Variants in LRP2 observed in about 807,000 individuals in gnomAD.
LRP2 encodes the protein low-density lipoprotein receptor-related protein 2.
In LRP2, 172 loss-of-function variants were observed where a neutral mutation model predicts 531.0. The observed-to-expected ratio is 0.32, with a 90% CI of 0.29 to 0.37. The LOEUF (loss-of-function observed/expected upper bound fraction) is 0.37. LRP2 is among the 10% of genes least tolerant of loss of function. The probability of loss-of-function intolerance (pLI) is 1.00; values close to 1 mark genes in which losing one functional copy is unlikely to be tolerated. For missense variants in LRP2, 5,167 were observed against 5,868.3 expected (o/e 0.88, Z 3.90); for synonymous variants, 1,992 against 2,027.6 (o/e 0.98, Z 0.47).
intron 1 of LRP2, among the ~76,000 whole-genome samples, chr2:169,334,254 C>T (rs1184258305): frequency 1.3e-5 from 2 of 152,138 alleles, no homozygotes; most frequent in Admixed American, 1.3e-4. Context: ...AGAAGTACGG[C>T]TTCAGTAATA....
At chr2:169,271,606 AACATGCACACACAC>A (rs1210246112) in intron 15 of LRP2, 3 of 328,168 alleles carry the variant, frequency 9.1e-6, no homozygotes, top group African/African-American at 5.3e-5. Flanking sequence ...AAACAGGCAA[AACATGCACACACAC>A]ACACACACAC....
rs529388965 is a variant in LRP2 at position 169,213,811 on chromosome 2, G to A, written c.5886C>T (p.His1962=). 57 of 1,613,560 alleles carry A rather than the reference G, an allele frequency of 3.5e-5. No homozygotes were observed. The highest frequency in any genetic ancestry group is 5.0e-5 in the Admixed American group (3 of 59,972). The change falls in exon 36 of 79, where the codon CAC becomes CAT. Residue 1962 remains histidine, a synonymous_variant. Coordinates refer to ENST00000649046, the MANE Select transcript of LRP2 (RefSeq NM_004525.3). ...AATCATGGACTGCAATTCCCCAGGG[G>A]TGGGAAAGCTGGTGTACCAGGATCA... The part of the protein sequence containing the change: ...DRMILVHQLS[H]PWGIAVHDSF...
chr2:169,213,611 A>C (rs747749603), intron 36 of LRP2, 46 bp downstream of exon 36: 4 of 1,431,376 alleles, frequency 2.8e-6, no homozygotes, highest in South Asian at 1.1e-5. Context: ...TTATGTGTGA[A>C]TATGCATTAT....
intron 44 of LRP2, among the ~76,000 whole-genome samples, chr2:169,199,523 C>T (rs1688120779): frequency 6.6e-6 from 1 of 152,126 alleles, no homozygotes; most frequent in African/African-American, 2.4e-5. Context: ...AAATGAAGGA[C>T]TTCTATAAAT....
chr2:169,313,261 C>T (rs1367690495), intron 3 of LRP2, among the ~76,000 whole-genome samples: 6 of 152,186 alleles, frequency 3.9e-5, no homozygotes, highest in Non-Finnish European at 5.9e-5. Context: ...TGAGGAGCTG[C>T]GTTCCTTTGA....
intron 1 of LRP2, among the ~76,000 whole-genome samples, chr2:169,332,984 TCTGCC>T (rs1180674690): frequency 2.0e-5 from 3 of 152,230 alleles, no homozygotes; most frequent in African/African-American, 7.2e-5. Flanking sequence ...ATGTATGGCT[TCTGCC>T]AACAGAGTAA....
At position 169,188,042 on chromosome 2, in the gene LRP2, G is replaced by A. The variant is rs761770923; in HGVS notation, c.9256C>T (p.Arg3086Cys). The A allele has an allele frequency of 1.5e-5, 25 of 1,613,828 alleles. No individual in the cohort carries two copies. The highest frequency in any genetic ancestry group is 4.5e-5 in the East Asian group (2 of 44,876). The change falls in exon 49 of 79, where the codon CGC (arginine) becomes TGC (cysteine). Residue 3086 changes from arginine (R) to cysteine (C), a missense_variant. Around this residue, in one of 6 missense-constraint regions of LRP2, gnomAD observed 1,129 missense variants for 1,362.7 expected, o/e 0.83. Transcript: ENST00000649046. ...PPHEFKCDNG[R>C]CIEMMKLCNH... ...CAGAGTTTCATCATCTCGATGCAGC[G>A]CCCATTGTCACACTTGAACTCGTGA...
chr2:169,352,574 A>G (rs1685877985), intron 1 of LRP2, among the ~76,000 whole-genome samples: 1 of 152,194 alleles, frequency 6.6e-6, no homozygotes. Flanking sequence ...TGAAACTTTT[A>G]AAAATACAGA....
chr2:169,164,417 A>G (rs1339039292), intron 62 of LRP2, among the ~76,000 whole-genome samples: 1 of 152,224 alleles, frequency 6.6e-6, no homozygotes, highest in African/African-American at 2.4e-5. Flanking sequence ...AAAATCATAA[A>G]GGAGTATTTA....
chr2:169,216,385 G>A lies in LRP2; in HGVS notation c.5694C>T (p.Ala1898=). ...CATCCATGTTAGCACTGGCGATCTT[G>A]GCAGGAACCCCACTGTCAGTTCCTT... ...SDQGTDSGVP[A]KIASANMDGT... is the part of the protein sequence containing the mutation. Residue 1898 remains alanine, a synonymous_variant, in exon 35 of 79, where the codon GCC becomes GCT. Coordinates refer to ENST00000649046, the MANE Select transcript of LRP2 (RefSeq NM_004525.3). The A allele has an allele frequency of 6.2e-7, 1 of 1,613,572 alleles. No homozygotes were observed. Among genetic ancestry groups the A allele is most frequent in the Non-Finnish European group, 8.5e-7 (1 of 1,179,668 alleles).
chr2:169,246,818 C>A lies in LRP2; in HGVS notation c.3077G>T (p.Cys1026Phe). ...DPTNEPPTEQCGLFSFPCKNG... is the reference protein window; with the variant it reads ...DPTNEPPTEQFGLFSFPCKNG... ...TTTACAGGGGAAGGAAAATAAGCCA[C>A]ACTGCTCTGTGGGTGGTTCATTGGT... The change falls in exon 21 of 79, where the codon TGT becomes TTT. Residue 1026 changes from cysteine to phenylalanine, a missense_variant. By Grantham distance (205) the Cys-to-Phe change is radical. Transcript: ENST00000649046. The A allele has an allele frequency of 6.2e-7, 1 of 1,614,174 alleles. No individual in the cohort carries two copies. The highest frequency in any genetic ancestry group is 8.5e-7 in the Non-Finnish European group (1 of 1,180,034).
intron 19 of LRP2, among the ~76,000 whole-genome samples, chr2:169,249,678 A>C (rs1285941704): frequency 4.4e-5 from 1 of 22,534 alleles, no homozygotes. Flanking sequence ...GCTTCAGACG[A>C]TCAAATTACT....
intron 6 of LRP2, among the ~76,000 whole-genome samples, chr2:169,293,675 C>A (rs77032509): frequency 6.6e-6 from 1 of 151,736 alleles, no homozygotes; most frequent in African/African-American, 2.4e-5. Context: ...ACTCCATCTC[C>A]AAAAAAAGAA....
chr2:169,216,773 C>A (rs1383782117), intron 34 of LRP2, among the ~76,000 whole-genome samples: 1 of 152,132 alleles, frequency 6.6e-6, no homozygotes, highest in African/African-American at 2.4e-5. Flanking sequence ...ATCTTCAGTA[C>A]ATAGTGAAGG....
rs759025536 is a variant in LRP2, at chr2:169,185,615, C to A, written c.9733G>T (p.Asp3245Tyr). The change falls in exon 50 of 79, where the codon GAT becomes TAT. Residue 3245 changes from aspartate to tyrosine, a missense_variant. By Grantham distance (160) the Asp-to-Tyr change is radical. This residue lies in a region of LRP2 where 1,129 missense variants were observed against 1,362.7 expected (regional missense o/e 0.83). Coordinates refer to ENST00000649046, the MANE Select transcript of LRP2 (RefSeq NM_004525.3). ...DRVEKRLYWI[D>Y]TQRQVIERMF... ...CTCTCAATGACTTGCCTCTGTGTAT[C>A]AATCCAATACAATCTCTTCTCTACT... 52 of 1,614,016 alleles carry A rather than the reference C, an allele frequency of 3.2e-5. No individual in the cohort carries two copies. Among genetic ancestry groups the A allele is most frequent in the Non-Finnish European group, 4.2e-5 (50 of 1,180,016 alleles).
chr2:169,261,994 C>T (rs977133525), intron 16 of LRP2, among the ~76,000 whole-genome samples: 5 of 151,276 alleles, frequency 3.3e-5, no homozygotes, highest in African/African-American at 9.7e-5. Flanking sequence ...AGACAAAAAC[C>T]ACATGATTAT....
intron 58 of LRP2, among the ~76,000 whole-genome samples, chr2:169,171,023 G>A (rs1034321323): frequency 5.5e-4 from 80 of 144,378 alleles, no homozygotes; most frequent in African/African-American, 1.6e-3. Context: ...AGGCTCCTGC[G>A]TAGCTGGGAC....
Position 169,315,958 on chromosome 2 carries a change from A to AC in LRP2, c.310+2803dup, listed in dbSNP as rs1491548843. On this transcript the variant is annotated intron_variant, in intron 3 of 78. Transcript: ENST00000649046. ...GGCAACATGGGAAAACCCCATCTCTACAAAAAAAAAAAAAAAAAAAAAAAA... is the reference window on the plus strand; with the variant it reads ...GGCAACATGGGAAAACCCCATCTCTACCAAAAAAAAAAAAAAAAAAAAAAAA... Among the ~76,000 whole-genome samples the AC allele has an allele frequency of 6.0e-4, 48 of 80,658 alleles. 1 individual carries two copies. Among genetic ancestry groups the AC allele is most frequent in the Middle Eastern group, 6.5e-3 (1 of 154 alleles). 52.9% of individuals were successfully genotyped at this position (80,658 alleles called of 152,430 possible). A position where few individuals can be genotyped will look rare whatever the true frequency, so the allele number is the denominator to read the frequency against.
intron 1 of LRP2, among the ~76,000 whole-genome samples, chr2:169,321,542 T>C (rs974850287): frequency 7.9e-5 from 12 of 152,122 alleles, no homozygotes; most frequent in African/African-American, 2.9e-4. Context: ...TAACTTTTCA[T>C]TTGCTTGACT....
Sources: allele counts gnomAD v4.1 joint callset (sites outside exome capture counted in the v4.1 genomes callset), GRCh38; gene constraint gnomAD v4.1.1; regional missense constraint gnomAD v4.1.1; transcripts MANE v1.5; gene names NCBI Gene and HGNC (gene_info 2026-07-23, HGNC 2026-07-21).